The following LRRIQ1 variants were observed in gnomAD, a reference collection of about 807,000 sequenced individuals.
LRRIQ1 encodes leucine rich repeats and IQ motif containing 1, also known as leucine-rich repeat- and IQ domain-containing protein 1.
Under a neutral mutation model 211.9 loss-of-function variants are expected in LRRIQ1, and 210 were observed. The ratio of observed to expected loss-of-function variants is 0.99; its 90% confidence interval spans 0.89 to 1.11. The LOEUF is 1.11. LRRIQ1 is among the 50% of genes most tolerant of loss of function. LRRIQ1 has a pLI of 0.00. For synonymous variants in LRRIQ1, 699 were observed against 650.1 expected (o/e 1.08, Z -1.14); for missense variants, 2,136 against 1,939.5 (o/e 1.10, Z -1.90).
intron 11 of LRRIQ1, among the ~76,000 whole-genome samples, chr12:85,081,648 AT>A (rs1170611590): frequency 2.6e-5 from 4 of 151,672 alleles, no homozygotes; most frequent in Non-Finnish European, 4.4e-5. Flanking sequence ...CAAGGAAAAC[AT>A]AATGATTATT....
At chr12:85,127,780 T>G in intron 17 of LRRIQ1, 52 bp from the exon 18 acceptor site, 1 of 1,493,806 alleles carries the variant, frequency 6.7e-7, no homozygotes, top group Non-Finnish European at 9.2e-7. Flanking sequence ...TCTACAACTC[T>G]GTATTTACAG....
At chr12:85,038,109 C>G in intron 1 of LRRIQ1, 44 bp from the exon 2 acceptor site, 1 of 1,261,512 alleles carries the variant, frequency 7.9e-7, no homozygotes, top group Non-Finnish European at 1.0e-6. Flanking sequence ...TTAGAGAACA[C>G]ATAATTTTTA....
chr12:85,087,221 C>A (rs1884922041), intron 11 of LRRIQ1, among the ~76,000 whole-genome samples: 1 of 152,034 alleles, frequency 6.6e-6, no homozygotes, highest in Admixed American at 6.5e-5. Context: ...CAATAGTTTG[C>A]TCAGAATGAT....
intron 11 of LRRIQ1, among the ~76,000 whole-genome samples, chr12:85,089,883 G>A (rs764749450): frequency 1.3e-5 from 2 of 152,198 alleles, no homozygotes; most frequent in African/African-American, 2.4e-5. Context: ...ATATTTGCAT[G>A]ACTAAAAAGG....
chr12:85,212,401 C>G (rs1202915427), intron 24 of LRRIQ1, among the ~76,000 whole-genome samples: 4 of 152,118 alleles, frequency 2.6e-5, no homozygotes, highest in Admixed American at 2.6e-4. Flanking sequence ...TTATGATATT[C>G]AAGAGAAATA....
chr12:85,177,968 A>G (rs1165927062), intron 24 of LRRIQ1, among the ~76,000 whole-genome samples: 1 of 152,126 alleles, frequency 6.6e-6, no homozygotes, highest in Non-Finnish European at 1.5e-5. Flanking sequence ...CATCTCACCT[A>G]TGGAATGAGA....
chr12:85,105,509 G>T (rs149649394), intron 14 of LRRIQ1, among the ~76,000 whole-genome samples: 3 of 151,488 alleles, frequency 2.0e-5, no homozygotes, highest in African/African-American at 7.3e-5. Flanking sequence ...TGTTTTCTTT[G>T]GGATATGTTT....
chr12:85,160,989 A>G (rs1253329078), intron 24 of LRRIQ1, among the ~76,000 whole-genome samples: 3 of 152,076 alleles, frequency 2.0e-5, no homozygotes, highest in Non-Finnish European at 4.4e-5. Context: ...ATGTATCATC[A>G]GTGACATTAA....
In LRRIQ1 at chr12:85,044,065, T is replaced by A. The variant is rs1304485202; in HGVS notation, c.245-653T>A. ...ACAGGAAAGCATGCCAGAAAGGTAG[T>A]GAATAGGTGTTAAAAGAAAATCTAT... On this transcript the variant is annotated intron_variant, in intron 3 of 26. Transcript: ENST00000393217. Among the ~76,000 whole-genome samples, 5 of 152,156 alleles carry A rather than the reference T, an allele frequency of 3.3e-5. No homozygotes were observed. The East Asian group carries it at 9.6e-4, about 29-fold the overall frequency.
At chr12:85,065,088 G>A (rs1882288799) in intron 8 of LRRIQ1, among the ~76,000 whole-genome samples, 174 bp from the exon 9 acceptor site, 1 of 151,724 alleles carries the variant, frequency 6.6e-6, no homozygotes, top group Admixed American at 6.6e-5. Flanking sequence ...CTTGTATGTG[G>A]GGAACAAAAG....
At chr12:85,106,658 G>A (rs1312308776) in intron 15 of LRRIQ1, 43 bp downstream of exon 15, 12 of 1,325,098 alleles carry the variant, frequency 9.1e-6, no homozygotes, top group South Asian at 1.3e-5. Flanking sequence ...CATTATTATA[G>A]TTGCAGAAAA....
chr12:85,177,067 A>C lies in LRRIQ1; in HGVS notation c.4822+16353A>C, dbSNP rs1891743989. 2.0e-5 allele frequency among the ~76,000 whole-genome samples: 3 copies of C among 152,234 alleles called. No homozygotes were observed. The South Asian group carries it at 6.2e-4, about 32-fold the overall frequency. On this transcript the variant is annotated intron_variant, in intron 24 of 26. Transcript: ENST00000393217. ...CTTCCTGTACTTGATTTTCCTCATC[A>C]ATTAATTGGAACAAGTAATATACAC...
chr12:85,231,535 G>C (rs888656528), intron 25 of LRRIQ1, among the ~76,000 whole-genome samples: 5 of 152,114 alleles, frequency 3.3e-5, no homozygotes, highest in African/African-American at 1.2e-4. Context: ...ATTAAAAAAA[G>C]AGGTTTAGTT....
At chr12:85,213,554 A>G (rs181861293) in intron 24 of LRRIQ1, among the ~76,000 whole-genome samples, 1 of 152,128 alleles carries the variant, frequency 6.6e-6, no homozygotes. Context: ...AGGCCCACAT[A>G]GGACTTTTAT....
intron 24 of LRRIQ1, among the ~76,000 whole-genome samples, chr12:85,191,703 A>G (rs1345325039): frequency 6.6e-6 from 1 of 152,002 alleles, no homozygotes; most frequent in East Asian, 1.9e-4. Context: ...TTGTATGGCA[A>G]GAGTGTGTTT....
At chr12:85,259,520 A>T (rs780229298) in intron 1 of LRRIQ1, among the ~76,000 whole-genome samples, 1 of 152,098 alleles carries the variant, frequency 6.6e-6, no homozygotes, top group Admixed American at 6.6e-5. Context: ...AATTTATATG[A>T]TAACAAAAAA....
At chr12:85,099,445 G>GT (rs2136283576) in intron 13 of LRRIQ1, among the ~76,000 whole-genome samples, 1 of 151,812 alleles carries the variant, frequency 6.6e-6, no homozygotes, top group South Asian at 2.1e-4. Context: ...ATTTAAATTT[G>GT]TTTTCCCTAA....
At chr12:85,141,106 C>T (rs1051572015) in intron 19 of LRRIQ1, among the ~76,000 whole-genome samples, 1 of 151,176 alleles carries the variant, frequency 6.6e-6, no homozygotes, top group African/African-American at 2.4e-5. Context: ...AGTGTTTCCT[C>T]TGCTTCTGTT....
At chr12:85,085,739 T>TG (rs1347659974) in intron 11 of LRRIQ1, among the ~76,000 whole-genome samples, 1 of 152,212 alleles carries the variant, frequency 6.6e-6, no homozygotes, top group Non-Finnish European at 1.5e-5. Flanking sequence ...GGTCATCAGC[T>TG]GCATCCATAT....
Sources: allele counts gnomAD v4.1 joint callset (sites outside exome capture counted in the v4.1 genomes callset), GRCh38; gene constraint gnomAD v4.1.1; transcripts MANE v1.5; gene names NCBI Gene and HGNC (gene_info 2026-07-23, HGNC 2026-07-21).